PPP1R14C: variants seen among roughly 807,000 people sequenced by gnomAD.
PPP1R14C encodes protein phosphatase 1 regulatory subunit 14C.
PPP1R14C carries 16 observed loss-of-function variants against 20.4 expected under a neutral mutation model. The observed-to-expected ratio is 0.78, with a 90% CI of 0.53 to 1.19. The LOEUF is 1.19. Ranked by LOEUF, PPP1R14C falls within the 50% of genes most tolerant of loss-of-function variation. The probability of loss-of-function intolerance (pLI) is 0.00; values close to 1 mark genes in which losing one functional copy is unlikely to be tolerated. For synonymous variants in PPP1R14C, 91 were observed against 91.0 expected, an observed-to-expected ratio of 1.00 and a Z score of 0.00; for missense variants, 211 against 220.1, an observed-to-expected ratio of 0.96 and a Z score of 0.26.
At chr6:150,183,536 C>T (rs903014885) in intron 1 of PPP1R14C, among the ~76,000 whole-genome samples, 1 of 151,136 alleles carries the variant, frequency 6.6e-6, no homozygotes, top group Non-Finnish European at 1.5e-5. Context: ...TTTTGAGACG[C>T]AGTCTCACTC....
intron 3 of PPP1R14C, among the ~76,000 whole-genome samples, chr6:150,234,560 A>T (rs1472789582): frequency 1.3e-5 from 2 of 152,190 alleles, no homozygotes; most frequent in Non-Finnish European, 2.9e-5. Context: ...AATATAAAGG[A>T]TCAAGCCAGC....
chr6:150,190,420 T>C (rs143368861), intron 1 of PPP1R14C, among the ~76,000 whole-genome samples: 173 of 147,630 alleles, frequency 1.2e-3, no homozygotes, highest in African/African-American at 4.3e-3. Flanking sequence ...TCATCCTAGA[T>C]CTCTGTATTT....
In PPP1R14C at chr6:150,205,011, G is replaced by A. The variant is rs114478616; in HGVS notation, c.307-9733G>A. ...AACTCAGAGTCTTTTTTTTTTTTTTGTTAAACTGTGTCTGGAGCACTTTGA... is the reference window on the plus strand; with the variant it reads ...AACTCAGAGTCTTTTTTTTTTTTTTATTAAACTGTGTCTGGAGCACTTTGA... On this transcript the variant is annotated intron_variant, in intron 1 of 3. Transcript: ENST00000361131. Among the ~76,000 whole-genome samples the A allele has an allele frequency of 2.6e-4, 20 of 77,142 alleles. No homozygotes were observed. The East Asian group carries it at 8.4e-3, about 32-fold the overall frequency. The allele number at this position is 77,142 out of a possible 152,430, so 50.6% of individuals were successfully genotyped here. A position where few individuals can be genotyped will look rare whatever the true frequency, so the allele number is the denominator to read the frequency against.
chr6:150,218,995 T>TTTC (rs1554220718), intron 3 of PPP1R14C, among the ~76,000 whole-genome samples: 1 of 151,970 alleles, frequency 6.6e-6, no homozygotes, highest in Non-Finnish European at 1.5e-5. Flanking sequence ...TGTTTTTTTT[T>TTTC]CATTTATTGA....
chr6:150,152,311 C>T (rs904172529), intron 1 of PPP1R14C, among the ~76,000 whole-genome samples: 6 of 152,136 alleles, frequency 3.9e-5, no homozygotes, highest in African/African-American at 1.4e-4. Flanking sequence ...CTGGGTTGGG[C>T]CTCCCGCTCT....
intron 1 of PPP1R14C, among the ~76,000 whole-genome samples, chr6:150,190,203 C>T (rs59114788): frequency 0.14 from 21,517 of 151,914 alleles, 1,652 homozygotes; most frequent in South Asian, 0.28. Context: ...CTAGCCTGGA[C>T]GCGTTTATGA....
chr6:150,146,837 T>A (rs1356413552), intron 1 of PPP1R14C, among the ~76,000 whole-genome samples: 1 of 152,160 alleles, frequency 6.6e-6, no homozygotes, highest in Admixed American at 6.5e-5. Context: ...TCCTAGGAAG[T>A]CTTCAGGAAG....
chr6:150,168,031 C>CCTT (rs1777450238), intron 1 of PPP1R14C, among the ~76,000 whole-genome samples: 1 of 52,796 alleles, frequency 1.9e-5, no homozygotes, highest in African/African-American at 8.9e-5. Flanking sequence ...TTCTGCGGCC[C>CCTT]CTCCCCTCCC....
intron 1 of PPP1R14C, among the ~76,000 whole-genome samples, chr6:150,197,066 CCAGCTGCT>C (rs1777813348): frequency 1.3e-5 from 2 of 152,356 alleles, no homozygotes; most frequent in East Asian, 3.9e-4. Flanking sequence ...CCCTCAGGCT[CCAGCTGCT>C]GCTTGCTGCA....
intron 1 of PPP1R14C, among the ~76,000 whole-genome samples, chr6:150,193,626 G>A (rs772931550): frequency 6.6e-6 from 1 of 151,166 alleles, no homozygotes; most frequent in East Asian, 2.0e-4. Context: ...GGGGAGGAGG[G>A]AGGGGTGGGA....
At chr6:150,196,879 C>CTACA (rs1286300697) in intron 1 of PPP1R14C, among the ~76,000 whole-genome samples, 1 of 152,152 alleles carries the variant, frequency 6.6e-6, no homozygotes, top group African/African-American at 2.4e-5. Flanking sequence ...GAATTTTATT[C>CTACA]TACACTACTT....
intron 1 of PPP1R14C, among the ~76,000 whole-genome samples, chr6:150,182,010 A>T (rs1777627351): frequency 6.6e-6 from 1 of 152,204 alleles, no homozygotes; most frequent in African/African-American, 2.4e-5. Context: ...TTTTTTTTGG[A>T]TATGCCAAAT....
At chr6:150,233,038 T>A (rs1778312036) in intron 3 of PPP1R14C, among the ~76,000 whole-genome samples, 1 of 152,202 alleles carries the variant, frequency 6.6e-6, no homozygotes, top group Non-Finnish European at 1.5e-5. Flanking sequence ...TTGAGACTGA[T>A]CTGCCCATGG....
chr6:150,177,213 CAG>C (rs759268148), intron 1 of PPP1R14C, among the ~76,000 whole-genome samples: 6 of 152,170 alleles, frequency 3.9e-5, no homozygotes, highest in Admixed American at 3.9e-4. Context: ...CATTTGAAAA[CAG>C]GGGTGCACTT....
intron 3 of PPP1R14C, among the ~76,000 whole-genome samples, chr6:150,227,883 A>G (rs35548444): frequency 0.023 from 3,545 of 152,312 alleles, 55 homozygotes; most frequent in Middle Eastern, 0.054. Flanking sequence ...AAACATGTGT[A>G]GCTTTACTTA....
At position 150,246,145 on chromosome 6, in the gene PPP1R14C, T is replaced by G. The variant is rs568689444; in HGVS notation, c.424-2601T>G. ...CAAATTTGATTTCAATTATCCAAAT[T>G]TAAATTTGATTGTCATGAAGAGAAA... On this transcript the variant is annotated intron_variant, in intron 3 of 3. Coordinates refer to ENST00000361131, the MANE Select transcript of PPP1R14C (RefSeq NM_030949.3). Among the ~76,000 whole-genome samples, 38 of 152,312 alleles carry G rather than the reference T, an allele frequency of 2.5e-4. No individual in the cohort carries two copies. The South Asian group carries it at 7.7e-3, about 31-fold the overall frequency.
chr6:150,144,252 G>A (rs1363690654), intron 1 of PPP1R14C, among the ~76,000 whole-genome samples: 1 of 152,200 alleles, frequency 6.6e-6, no homozygotes, highest in African/African-American at 2.4e-5. Flanking sequence ...GCGGGATCCC[G>A]GGATCTGTCA....
intron 1 of PPP1R14C, among the ~76,000 whole-genome samples, chr6:150,149,814 T>C (rs946245203): frequency 1.3e-5 from 2 of 152,190 alleles, no homozygotes; most frequent in African/African-American, 2.4e-5. Flanking sequence ...TGCAATAATT[T>C]GGAGAAGAGT....
intron 3 of PPP1R14C, among the ~76,000 whole-genome samples, chr6:150,221,337 T>G (rs1162070650): frequency 6.6e-6 from 1 of 152,244 alleles, no homozygotes; most frequent in African/African-American, 2.4e-5. Flanking sequence ...TTCTGACACC[T>G]GATCTTGTGC....
Sources: allele counts gnomAD v4.1 joint callset (sites outside exome capture counted in the v4.1 genomes callset), GRCh38; gene constraint gnomAD v4.1.1; transcripts MANE v1.5; gene names NCBI Gene and HGNC (gene_info 2026-07-23, HGNC 2026-07-21).